Variants in FMC1 observed in about 807,000 individuals in gnomAD.
The protein encoded by FMC1 is protein FMC1 homolog.
Under a neutral mutation model 10.5 loss-of-function variants are expected in FMC1, and 6 were observed. That is an observed-to-expected ratio of 0.57 (90% CI 0.31 to 1.12). The LOEUF (loss-of-function observed/expected upper bound fraction) is 1.12, where lower values mean the gene tolerates loss of function less well. Ranked by LOEUF, FMC1 falls within the 50% of genes most tolerant of loss-of-function variation. FMC1 has a pLI of 0.05. For synonymous variants in FMC1, 59 were observed against 62.1 expected (o/e 0.95, Z 0.24); for missense variants, 146 against 151.7 (o/e 0.96, Z 0.20).
chr7:139,343,974 C>A (rs1799135471), intron 1 of FMC1, among the ~76,000 whole-genome samples: 1 of 149,752 alleles, frequency 6.7e-6, no homozygotes, highest in Non-Finnish European at 1.5e-5. Flanking sequence ...ATTATGTAGG[C>A]AGTGGTGCCC....
At position 139,346,114 on chromosome 7, in the gene FMC1, G is replaced by C. The variant is rs1170901546; in HGVS notation, c.*410G>C. ...TAGCCAGGCGTGGTGGCACATGCCT[G>C]TAATCCCAGCTACTCAGGAGGCTGG... On this transcript the variant is annotated 3_prime_UTR_variant, in exon 2 of 2. Transcript: ENST00000297534. 1 of 156,026 alleles carries C rather than the reference G, an allele frequency of 6.4e-6. No individual in the cohort carries two copies. The highest frequency in any genetic ancestry group is 1.4e-5 in the Non-Finnish European group (1 of 70,844). The allele number at this position is 156,026 out of a possible 1,614,324, so 9.7% of individuals were successfully genotyped here.
intron 1 of FMC1, 98 bp from the exon 2 acceptor site, chr7:139,345,403 A>T: frequency 6.6e-7 from 1 of 1,517,230 alleles, no homozygotes; most frequent in Non-Finnish European, 8.8e-7. Context: ...CCTCTGTGCA[A>T]TTTACTTTCA....
At position 139,341,435 on chromosome 7, in the gene FMC1, G is replaced by C. The variant is rs746933781; in HGVS notation, c.51G>C (p.Glu17Asp). The C allele has an allele frequency of 6.2e-7, 1 of 1,613,628 alleles. No homozygotes were observed. Among genetic ancestry groups the C allele is most frequent in the African/African-American group, 1.3e-5 (1 of 75,072 alleles). Reference protein sequence around the residue: ...PSHTFRGLLRELRYLSAATGR... With the variant: ...PSHTFRGLLRDLRYLSAATGR... Reference sequence around the variant, plus strand: ...ACACTTTTCGAGGACTTCTGCGGGAGTTGCGCTACCTGAGCGCGGCCACCG... The same window carrying C: ...ACACTTTTCGAGGACTTCTGCGGGACTTGCGCTACCTGAGCGCGGCCACCG... The change falls in exon 1 of 2, where the codon GAG becomes GAC. Residue 17 changes from glutamate to aspartate, a missense_variant. Glu to Asp is a conservative substitution (Grantham distance 45). Coordinates refer to ENST00000297534, the MANE Select transcript of FMC1 (RefSeq NM_197964.5).
chr7:139,340,691 T>C (rs539006580), upstream of FMC1: 29 of 393,014 alleles, frequency 7.4e-5, no homozygotes, highest in South Asian at 4.3e-4. Context: ...GAGCGCGTCG[T>C]TTGCAGAAGC....
At chr7:139,341,307 T>C, upstream of FMC1, 1 of 1,535,646 alleles carries the variant, frequency 6.5e-7, no homozygotes, top group Middle Eastern at 2.2e-4. Flanking sequence ...GACCGTACCA[T>C]TAGGCGCCTG....
In FMC1 at chr7:139,341,537, T is replaced by A; in HGVS notation, c.138+15T>A. On this transcript the variant is annotated intron_variant, in intron 1 of 1. Coordinates refer to ENST00000297534, the MANE Select transcript of FMC1 (RefSeq NM_197964.5). ...GTGCACATCGGGTACGGGAGCCATG[T>A]CCCGGGTGCTCTACGTGCTGGGGAG... is the stretch of plus-strand genomic sequence containing the variant. The A allele has an allele frequency of 6.2e-7, 1 of 1,607,404 alleles. No homozygotes were observed. The highest frequency in any genetic ancestry group is 8.5e-7 in the Non-Finnish European group (1 of 1,175,202).
chr7:139,341,509 T>G lies in FMC1; in HGVS notation c.125T>G (p.Phe42Cys), dbSNP rs1285807685. The change falls in exon 1 of 2, where the codon TTC becomes TGC. Residue 42 changes from phenylalanine (F) to cysteine (C), a missense_variant. Physicochemically the swap from Phe to Cys is radical, Grantham distance 205 (BLOSUM62 -2). Transcript: ENST00000297534. ...GCCTATCGGTACCTTGTGAAGGCTT[T>G]CCGTGCACATCGGGTACGGGAGCCA... Reference protein sequence around the residue: ...TAAYRYLVKAFRAHRVTSEKL... With the variant: ...TAAYRYLVKACRAHRVTSEKL... The G allele has an allele frequency of 6.2e-7, 1 of 1,612,850 alleles. No homozygotes were observed. The highest frequency in any genetic ancestry group is 8.5e-7 in the Non-Finnish European group (1 of 1,179,310).
Position 139,345,598 on chromosome 7 carries a change from T to TA in FMC1, c.237dup (p.His80ThrfsTer9). On this transcript the variant is annotated frameshift_variant, in exon 2 of 2. Transcript: ENST00000297534. LOFTEE classifies it high-confidence loss of function. ...CGTAGCATCCGGAAACATGTGGCCC[T>TA]ACATCAGGAATTTCATGGCAAGGGT... 1 of 1,614,126 alleles carries TA rather than the reference T, an allele frequency of 6.2e-7. No individual in the cohort carries two copies. Among genetic ancestry groups the TA allele is most frequent in the Non-Finnish European group, 8.5e-7 (1 of 1,180,022 alleles).
Position 139,341,346 on chromosome 7 carries a change from G to C in FMC1, c.-39G>C. On this transcript the variant is annotated 5_prime_UTR_variant, in exon 1 of 2. Coordinates refer to ENST00000297534, the MANE Select transcript of FMC1 (RefSeq NM_197964.5). ...CGGAGGAGGGGTTTTCAGGGTCGTA[G>C]GACGCCGTTGGGCACCACGCTCGGA... 2 of 1,587,176 alleles carry C rather than the reference G, an allele frequency of 1.3e-6. No individual in the cohort carries two copies. The highest frequency in any genetic ancestry group is 1.7e-5 in the Admixed American group (1 of 59,180).
At chr7:139,343,101 C>A (rs772802405) in intron 1 of FMC1, among the ~76,000 whole-genome samples, 5 of 152,150 alleles carry the variant, frequency 3.3e-5, no homozygotes, top group Admixed American at 6.6e-5. Context: ...CTATTGCTGA[C>A]CCTTTTGTCC....
intron 1 of FMC1, among the ~76,000 whole-genome samples, chr7:139,343,651 T>C (rs1237134374): frequency 6.6e-6 from 1 of 152,132 alleles, no homozygotes; most frequent in African/African-American, 2.4e-5. Context: ...GAAAGGGGAT[T>C]AGGCCAGGAG....
intron 1 of FMC1, among the ~76,000 whole-genome samples, chr7:139,342,648 G>C (rs370316000): frequency 1.3e-5 from 2 of 152,164 alleles, no homozygotes; most frequent in South Asian, 4.1e-4. Flanking sequence ...TTTTAGTGGA[G>C]ACGGGGTTTC....
chr7:139,345,926 A>G lies in FMC1; in HGVS notation c.*222A>G. Reference sequence around the variant, plus strand: ...TTTTTCTACTTAAAAAAATTTTTTTATATTTTATTTTAAAAGTAGTACAAG... The same window carrying G: ...TTTTTCTACTTAAAAAAATTTTTTTGTATTTTATTTTAAAAGTAGTACAAG... On this transcript the variant is annotated 3_prime_UTR_variant, in exon 2 of 2. Transcript: ENST00000297534. The G allele has an allele frequency of 2.4e-6, 1 of 424,650 alleles. No individual in the cohort carries two copies. Among genetic ancestry groups the G allele is most frequent in the Non-Finnish European group, 3.9e-6 (1 of 255,116 alleles). 26.3% of individuals were successfully genotyped at this position (424,650 alleles called of 1,614,324 possible).
At chr7:139,340,781 C>G (rs1357734875), upstream of FMC1, among the ~76,000 whole-genome samples, 2 of 151,116 alleles carry the variant, frequency 1.3e-5, no homozygotes, top group Admixed American at 6.6e-5. Flanking sequence ...TGGCCTGTGA[C>G]TTTTGTCCTT....
rs1799256183 is a variant in FMC1, at chr7:139,346,030, GA to G, written c.*327del. ...AGGCAGGCGGATCACCTGAGGTTGG[GA>G]GTTCGCGACCAGCCTGACCAACATG... On this transcript the variant is annotated 3_prime_UTR_variant, in exon 2 of 2. Coordinates refer to ENST00000297534, the MANE Select transcript of FMC1 (RefSeq NM_197964.5). 5.7e-6 allele frequency: 1 copy of G among 175,466 alleles called. No individual in the cohort carries two copies. The highest frequency in any genetic ancestry group is 1.2e-5 in the Non-Finnish European group (1 of 83,144). 10.9% of individuals were successfully genotyped at this position (175,466 alleles called of 1,614,324 possible). A position where few individuals can be genotyped will look rare whatever the true frequency, so the allele number is the denominator to read the frequency against.
chr7:139,344,367 C>T (rs905311156), intron 1 of FMC1, among the ~76,000 whole-genome samples: 2 of 152,070 alleles, frequency 1.3e-5, no homozygotes, highest in Non-Finnish European at 2.9e-5. Context: ...TGCAATATAA[C>T]CTATGCACAT....
upstream of FMC1, chr7:139,340,557 A>C (rs1045794661): frequency 3.0e-5 from 12 of 398,104 alleles, no homozygotes; most frequent in African/African-American, 2.5e-4. Context: ...TTTGTTCTCT[A>C]ACTACAACTC....
intron 1 of FMC1, among the ~76,000 whole-genome samples, chr7:139,343,829 C>T (rs972239369): frequency 2.1e-5 from 3 of 143,516 alleles, no homozygotes; most frequent in African/African-American, 5.3e-5. Flanking sequence ...CAGCTACTTG[C>T]GGGGCTGAGG....
At chr7:139,340,656 A>C (rs920191500), upstream of FMC1, 9 of 396,120 alleles carry the variant, frequency 2.3e-5, no homozygotes, top group East Asian at 3.2e-4. Context: ...CGTACCAAAG[A>C]GGAAAATAGT....
Sources: gnomAD v4.1 joint callset for allele counts (sites outside exome capture counted in the v4.1 genomes callset) on GRCh38, gnomAD v4.1.1 for gene constraint, MANE v1.5 for transcripts, NCBI Gene and HGNC (gene_info 2026-07-23, HGNC 2026-07-21) for gene names.